Variants in CLSTN2 observed in about 807,000 individuals in gnomAD.
CLSTN2 encodes calsyntenin 2, also known as calsyntenin-2.
CLSTN2 carries 48 observed loss-of-function variants against 101.2 expected under a neutral mutation model. That is an observed-to-expected ratio of 0.47 (90% CI 0.38 to 0.60). The LOEUF (loss-of-function observed/expected upper bound fraction) is 0.60, where lower values mean the gene tolerates loss of function less well. Ranked by LOEUF, CLSTN2 falls within the 20% of genes least tolerant of loss-of-function variation. The pLI is 0.00. For missense variants in CLSTN2, 1,160 were observed against 1,238.2 expected, an observed-to-expected ratio of 0.94 and a Z score of 0.95; for synonymous variants, 481 against 463.6, an observed-to-expected ratio of 1.04 and a Z score of -0.48.
chr3:140,137,436 T>C (rs953951790), intron 1 of CLSTN2, among the ~76,000 whole-genome samples: 2 of 152,054 alleles, frequency 1.3e-5, no homozygotes, highest in East Asian at 3.9e-4. Flanking sequence ...CTAGACTAGG[T>C]TCCTGTCCTC....
At chr3:140,353,297 G>T (rs1034954813) in intron 2 of CLSTN2, among the ~76,000 whole-genome samples, 3 of 148,050 alleles carry the variant, frequency 2.0e-5, no homozygotes, top group East Asian at 4.0e-4. Flanking sequence ...TGATCACAAG[G>T]TCCCACAGTA....
intron 1 of CLSTN2, among the ~76,000 whole-genome samples, chr3:140,099,773 T>TA (rs1360203358): frequency 6.6e-6 from 1 of 152,184 alleles, no homozygotes; most frequent in Non-Finnish European, 1.5e-5. Context: ...GTACAGCAGA[T>TA]AAAATCTATT....
intron 1 of CLSTN2, among the ~76,000 whole-genome samples, chr3:140,009,288 C>T (rs1046913265): frequency 7.9e-5 from 12 of 152,086 alleles, no homozygotes; most frequent in African/African-American, 2.2e-4. Context: ...TAAGTCATTG[C>T]CTGCTTTGAA....
intron 2 of CLSTN2, among the ~76,000 whole-genome samples, chr3:140,333,727 T>C (rs1013578063): frequency 2.6e-5 from 4 of 151,942 alleles, no homozygotes; most frequent in Non-Finnish European, 4.4e-5. Flanking sequence ...TCTGAATTAA[T>C]TTAAAATTAT....
chr3:140,371,434 G>A (rs2087855716), intron 2 of CLSTN2, among the ~76,000 whole-genome samples: 2 of 152,194 alleles, frequency 1.3e-5, no homozygotes, highest in Non-Finnish European at 2.9e-5. Flanking sequence ...TGTTGTTACA[G>A]TAGCCCTCAG....
At chr3:140,225,037 A>G (rs989051093) in intron 2 of CLSTN2, among the ~76,000 whole-genome samples, 4 of 152,226 alleles carry the variant, frequency 2.6e-5, no homozygotes, top group African/African-American at 7.2e-5. Context: ...TGCTGGGCCC[A>G]TCCAGGTTGC....
chr3:140,390,771 A>G (rs2088106061), intron 2 of CLSTN2, among the ~76,000 whole-genome samples: 1 of 152,172 alleles, frequency 6.6e-6, no homozygotes, highest in South Asian at 2.1e-4. Flanking sequence ...CTCATTTGAG[A>G]ATCCAAACAT....
chr3:140,469,541 C>T (rs558788846), intron 8 of CLSTN2, among the ~76,000 whole-genome samples: 59 of 152,302 alleles, frequency 3.9e-4, no homozygotes, highest in Non-Finnish European at 7.2e-4. Context: ...AGGAAGCCAT[C>T]CTGGGTCACC....
chr3:140,092,732 C>G (rs890103888), intron 1 of CLSTN2, among the ~76,000 whole-genome samples: 1 of 152,170 alleles, frequency 6.6e-6, no homozygotes, highest in South Asian at 2.1e-4. Flanking sequence ...AATTACAACA[C>G]GAGGGAGTTC....
At chr3:140,156,688 G>A (rs940662867) in intron 1 of CLSTN2, among the ~76,000 whole-genome samples, 1 of 152,172 alleles carries the variant, frequency 6.6e-6, no homozygotes, top group Non-Finnish European at 1.5e-5. Context: ...TCTGACAGTT[G>A]ACTTTGACTT....
At chr3:140,434,292 T>C (rs780506666) in intron 5 of CLSTN2, among the ~76,000 whole-genome samples, 5 of 152,122 alleles carry the variant, frequency 3.3e-5, no homozygotes, top group African/African-American at 7.2e-5. Flanking sequence ...GTGTGACCCA[T>C]GAAGTACCAA....
At chr3:140,123,983 G>C (rs1297999086) in intron 1 of CLSTN2, among the ~76,000 whole-genome samples, 1 of 152,062 alleles carries the variant, frequency 6.6e-6, no homozygotes, top group Non-Finnish European at 1.5e-5. Context: ...CTGGGGGTTA[G>C]GGCTTCAACA....
At chr3:140,103,239 G>A (rs760191240) in intron 1 of CLSTN2, among the ~76,000 whole-genome samples, 1 of 152,128 alleles carries the variant, frequency 6.6e-6, no homozygotes, top group Non-Finnish European at 1.5e-5. Context: ...TGAGAGGCTG[G>A]GCTGTATCTT....
chr3:140,126,491 A>G (rs1253342226), intron 1 of CLSTN2, among the ~76,000 whole-genome samples: 1 of 152,126 alleles, frequency 6.6e-6, no homozygotes, highest in Non-Finnish European at 1.5e-5. Context: ...AGGGACCTCT[A>G]GGTTTCCCTT....
intron 2 of CLSTN2, among the ~76,000 whole-genome samples, chr3:140,300,607 G>A (rs576984531): frequency 5.2e-4 from 79 of 152,266 alleles, no homozygotes; most frequent in Admixed American, 4.5e-3. Flanking sequence ...TGCCTTGAAT[G>A]TAGATCTGAA....
At chr3:140,078,122 G>A (rs1311098185) in intron 1 of CLSTN2, among the ~76,000 whole-genome samples, 1 of 152,148 alleles carries the variant, frequency 6.6e-6, no homozygotes, top group African/African-American at 2.4e-5. Context: ...GCCCACTTGA[G>A]CTTTATCCTG....
chr3:140,180,867 G>GTTAA (rs1476318247), intron 2 of CLSTN2, among the ~76,000 whole-genome samples: 1 of 152,184 alleles, frequency 6.6e-6, no homozygotes, highest in Admixed American at 6.5e-5. Flanking sequence ...TTCATACATG[G>GTTAA]TTAACTCTGT....
At chr3:140,530,190 A>G (rs771952053) in intron 8 of CLSTN2, among the ~76,000 whole-genome samples, 4 of 152,252 alleles carry the variant, frequency 2.6e-5, no homozygotes, top group Non-Finnish European at 4.4e-5. Context: ...AAATAAGTAT[A>G]GTATATAGCC....
At position 140,568,094 on chromosome 3, in the gene CLSTN2, A is replaced by G. The variant is rs1374052205; in HGVS notation, c.*1841A>G. 1 of 152,240 alleles carries G rather than the reference A, an allele frequency of 6.6e-6. No individual in the cohort carries two copies. The highest frequency in any genetic ancestry group is 1.9e-4 in the East Asian group (1 of 5,200). 9.4% of individuals were successfully genotyped at this position (152,240 alleles called of 1,614,324 possible). ...GTGATTCAATGTCTTGTTCAGAGTC[A>G]TTCAAAAGTATAGACAAGACCAGTC... On this transcript the variant is annotated 3_prime_UTR_variant, in exon 17 of 17. Coordinates refer to ENST00000458420, the MANE Select transcript of CLSTN2 (RefSeq NM_022131.3).
Sources: allele counts gnomAD v4.1 joint callset (sites outside exome capture counted in the v4.1 genomes callset), GRCh38; gene constraint gnomAD v4.1.1; transcripts MANE v1.5; gene names NCBI Gene and HGNC (gene_info 2026-07-23, HGNC 2026-07-21).